Variants in MARCHF6 observed in about 807,000 individuals in gnomAD.
MARCHF6 encodes membrane associated ring-CH-type finger 6.
In MARCHF6, 31 loss-of-function variants were observed where a neutral mutation model predicts 133.7. That is an observed-to-expected ratio of 0.23 (90% CI 0.17 to 0.31). MARCHF6 has a LOEUF of 0.31. Ranked by LOEUF, MARCHF6 falls within the 10% of genes least tolerant of loss-of-function variation. MARCHF6 has a pLI of 1.00. For synonymous variants in MARCHF6, 395 were observed against 402.5 expected (o/e 0.98, Z 0.22); for missense variants, 723 against 1,121.6 (o/e 0.64, Z 5.08).
At chr5:10,429,350 T>C (rs1424200210) in intron 24 of MARCHF6, among the ~76,000 whole-genome samples, 1 of 152,000 alleles carries the variant, frequency 6.6e-6, no homozygotes, top group Non-Finnish European at 1.5e-5. Flanking sequence ...AATGTATCAA[T>C]GACACCACTG....
chr5:10,404,312 C>A (rs1013122511), intron 15 of MARCHF6, among the ~76,000 whole-genome samples: 2 of 152,152 alleles, frequency 1.3e-5, no homozygotes, highest in African/African-American at 4.8e-5. Context: ...AAATGATCCA[C>A]CCACCTTGGC....
chr5:10,437,526 C>T lies in MARCHF6; in HGVS notation c.*3842C>T, dbSNP rs1166581426. ...TCTTTAAAATAATCCCTGACAATAT[C>T]TTTGGCATTAATACGACATAAAGAC... On this transcript the variant is annotated 3_prime_UTR_variant, in exon 26 of 26. Coordinates refer to ENST00000274140, the MANE Select transcript of MARCHF6 (RefSeq NM_005885.4). 6.6e-6 allele frequency: 1 copy of T among 152,206 alleles called. No individual in the cohort carries two copies. The highest frequency in any genetic ancestry group is 1.5e-5 in the Non-Finnish European group (1 of 68,030). The allele number at this position is 152,206 out of a possible 1,614,324, so 9.4% of individuals were successfully genotyped here.
rs758867193 is a variant in MARCHF6 at position 10,417,425 on chromosome 5, C to T, written c.2283+21C>T. 10 of 1,612,354 alleles carry T rather than the reference C, an allele frequency of 6.2e-6. No individual in the cohort carries two copies. In the South Asian group the frequency reaches 9.9e-5, roughly 16 times the overall value. On this transcript the variant is annotated intron_variant, in intron 22 of 25. Coordinates refer to ENST00000274140, the MANE Select transcript of MARCHF6 (RefSeq NM_005885.4). ...GGCAGGTAAATGTATGTCTTTTGCT[C>T]ATGTTATTTCATTAAGGATTTGAGA...
chr5:10,375,791 A>G (rs1428526373), intron 1 of MARCHF6, among the ~76,000 whole-genome samples: 4 of 152,022 alleles, frequency 2.6e-5, no homozygotes, highest in African/African-American at 9.7e-5. Context: ...CAGGGATTGT[A>G]AATACACCAA....
intron 1 of MARCHF6, among the ~76,000 whole-genome samples, chr5:10,373,973 C>G (rs1448674531): frequency 1.3e-5 from 2 of 152,072 alleles, no homozygotes; most frequent in Non-Finnish European, 2.9e-5. Context: ...AGATCAATCA[C>G]ATTTTCTCCC....
chr5:10,415,752 C>T lies in MARCHF6; in HGVS notation c.2148+83C>T, dbSNP rs569571304. ...AGTCATCTTAAATTTTTTTTTTTGG[C>T]ACATTTATTTCCTTACTATATTGTT... On this transcript the variant is annotated intron_variant, in intron 21 of 25. Coordinates refer to ENST00000274140, the MANE Select transcript of MARCHF6 (RefSeq NM_005885.4). 53 of 1,102,106 alleles carry T rather than the reference C, an allele frequency of 4.8e-5. 1 individual carries two copies. In the Middle Eastern group the frequency reaches 4.6e-3, roughly 95 times the overall value. 68.3% of individuals were successfully genotyped at this position (1,102,106 alleles called of 1,614,324 possible). A position where few individuals can be genotyped will look rare whatever the true frequency, so the allele number is the denominator to read the frequency against.
intron 7 of MARCHF6, among the ~76,000 whole-genome samples, chr5:10,393,221 A>G (rs1217227719): frequency 6.6e-6 from 1 of 152,030 alleles, no homozygotes; most frequent in African/African-American, 2.4e-5. Flanking sequence ...GTGTGCCATC[A>G]TGCCCAGCTA....
intron 15 of MARCHF6, 67 bp downstream of exon 15, chr5:10,403,608 A>G: frequency 2.8e-6 from 4 of 1,426,608 alleles, no homozygotes; most frequent in East Asian, 2.3e-5. Context: ...ACCACCAGTC[A>G]TGTCTCAAAG....
Position 10,423,774 on chromosome 5 carries a change from G to A in MARCHF6, c.2323G>A (p.Ala775Thr). ...LGVLHAKIIA[A>T]ITLMGPQWWL... ...AGTCCTGCATGCCAAAATCATTGCA[G>A]CTATAACATTGATGGGTCCTCAGTG... The change falls in exon 23 of 26, where the codon GCT (alanine) becomes ACT (threonine). Residue 775 changes from alanine to threonine, a missense_variant. Physicochemically the swap from Ala to Thr is moderately conservative, Grantham distance 58. This residue lies in a region of MARCHF6 where 492 missense variants were observed against 699.5 expected (regional missense o/e 0.70). Coordinates refer to ENST00000274140, the MANE Select transcript of MARCHF6 (RefSeq NM_005885.4). The A allele has an allele frequency of 6.2e-7, 1 of 1,613,686 alleles. No individual in the cohort carries two copies. Among genetic ancestry groups the A allele is most frequent in the Non-Finnish European group, 8.5e-7 (1 of 1,179,770 alleles).
chr5:10,377,901 C>T lies in MARCHF6; in HGVS notation c.116+7C>T. On this transcript the variant is annotated splice_region_variant and intron_variant, in intron 2 of 25. Transcript: ENST00000274140. ...AGTTTATCCATCAAGAATGGTAAGT[C>T]ATACTTTTAGAAAGTTATGTAAGTC... The T allele has an allele frequency of 1.9e-6, 3 of 1,575,592 alleles. No homozygotes were observed. The highest frequency in any genetic ancestry group is 4.5e-5 in the East Asian group (2 of 44,628).
intron 16 of MARCHF6, among the ~76,000 whole-genome samples, 158 bp from the exon 17 acceptor site, chr5:10,406,944 A>T (rs533596516): frequency 6.6e-6 from 1 of 152,238 alleles, no homozygotes; most frequent in Non-Finnish European, 1.5e-5. Context: ...ATTTTTATAC[A>T]AAATGACTCA....
chr5:10,354,041 C>A, intron 1 of MARCHF6, 124 bp downstream of exon 1: 1 of 993,874 alleles, frequency 1.0e-6, no homozygotes, highest in Non-Finnish European at 1.4e-6. Context: ...GGCCGTTTGT[C>A]CACCCGCTGG....
chr5:10,426,335 A>G (rs1436412248), intron 23 of MARCHF6, 55 bp from the exon 24 acceptor site: 7 of 1,589,452 alleles, frequency 4.4e-6, no homozygotes, highest in Non-Finnish European at 6.0e-6. Context: ...TGCTGTATTA[A>G]CTTGGAGGAA....
At chr5:10,407,895 G>A (rs1738996922) in intron 17 of MARCHF6, among the ~76,000 whole-genome samples, 1 of 151,702 alleles carries the variant, frequency 6.6e-6, no homozygotes, top group African/African-American at 2.4e-5. Context: ...GGCAGAGGTT[G>A]CGGTGAGCCG....
intron 4 of MARCHF6, among the ~76,000 whole-genome samples, chr5:10,383,322 A>G (rs1737268813): frequency 6.6e-6 from 1 of 152,196 alleles, no homozygotes; most frequent in Admixed American, 6.5e-5. Context: ...GGTAAAAGAG[A>G]TAATGGAGAT....
chr5:10,402,700 TA>T, intron 14 of MARCHF6, 93 bp downstream of exon 14: 4 of 1,086,788 alleles, frequency 3.7e-6, no homozygotes, highest in Non-Finnish European at 4.2e-6. Flanking sequence ...GGAAAGCAAA[TA>T]TTTGATAATT....
At chr5:10,378,660 CTG>C (rs1353771888) in intron 2 of MARCHF6, 97 bp from the exon 3 acceptor site, 4 of 744,906 alleles carry the variant, frequency 5.4e-6, no homozygotes, top group African/African-American at 1.8e-5. Flanking sequence ...ACTAAAAGCT[CTG>C]TGATATATAC....
chr5:10,422,610 C>T (rs1739882678), intron 22 of MARCHF6, among the ~76,000 whole-genome samples: 1 of 152,066 alleles, frequency 6.6e-6, no homozygotes, highest in South Asian at 2.1e-4. Flanking sequence ...TAGCTGTTCA[C>T]CTATCAGGGT....
At chr5:10,391,318 A>G (rs1404482757) in intron 6 of MARCHF6, among the ~76,000 whole-genome samples, 2 of 151,762 alleles carry the variant, frequency 1.3e-5, no homozygotes, top group African/African-American at 2.4e-5. Context: ...ATTTAAGTAC[A>G]GATAGGGTCT....
Sources: allele counts gnomAD v4.1 joint callset (sites outside exome capture counted in the v4.1 genomes callset), GRCh38; gene constraint gnomAD v4.1.1; regional missense constraint gnomAD v4.1.1; transcripts MANE v1.5; gene names NCBI Gene and HGNC (gene_info 2026-07-23, HGNC 2026-07-21).